Variants in MACROD2 observed in about 807,000 individuals in gnomAD.
MACROD2 encodes the protein ADP-ribose glycohydrolase MACROD2.
In MACROD2, 36 loss-of-function variants were observed where a neutral mutation model predicts 70.4. The observed-to-expected ratio is 0.51, with a 90% CI of 0.39 to 0.68. The LOEUF (loss-of-function observed/expected upper bound fraction) is 0.68. Among genes scored for constraint, MACROD2 ranks in the 30% least tolerant of loss-of-function variants. The pLI, the probability that MACROD2 is intolerant of heterozygous loss-of-function variation, is 0.00. For missense variants in MACROD2, 496 were observed against 538.4 expected (o/e 0.92, Z 0.78); for synonymous variants, 172 against 178.8 (o/e 0.96, Z 0.30).
At chr20:15,800,547 C>A (rs944416518) in intron 8 of MACROD2, among the ~76,000 whole-genome samples, 6 of 152,136 alleles carry the variant, frequency 3.9e-5, no homozygotes, top group Non-Finnish European at 8.8e-5. Context: ...TGTCCTTTCC[C>A]CAATGTATGT....
At chr20:15,651,761 C>A (rs911268571) in intron 8 of MACROD2, among the ~76,000 whole-genome samples, 6 of 152,138 alleles carry the variant, frequency 3.9e-5, no homozygotes, top group African/African-American at 1.4e-4. Context: ...CCCCATGTGG[C>A]CCATGCTCCA....
Position 15,085,858 on chromosome 20 carries a change from AACACAC to A in MACROD2, c.419-144072_419-144067del, listed in dbSNP as rs5840651. Among the ~76,000 whole-genome samples the A allele has an allele frequency of 2.1e-3, 283 of 135,850 alleles. 3 individuals are homozygous for A. The Middle Eastern group carries it at 0.026, about 12-fold the overall frequency. 89.1% of individuals were successfully genotyped at this position (135,850 alleles called of 152,430 possible). ...GACCTTGCAGAATTTAAAGATGAAT[AACACAC>A]ACACACACAACACACACACACACAC... On this transcript the variant is annotated intron_variant, in intron 5 of 17. Transcript: ENST00000684519.
intron 3 of MACROD2, chr20:14,327,062 C>T: frequency 6.2e-7 from 1 of 1,613,708 alleles, no homozygotes; most frequent in South Asian, 1.1e-5. Context: ...TCTCGGAATG[C>T]TCCCTCTTCT....
chr20:15,729,831 CTTTTT>C (rs61542762), intron 8 of MACROD2, among the ~76,000 whole-genome samples: 1 of 64,772 alleles, frequency 1.5e-5, no homozygotes, highest in South Asian at 6.4e-4. Context: ...TTGGGTCATG[CTTTTT>C]TTTTTTTTTT....
At chr20:14,265,121 C>T (rs912987671) in intron 3 of MACROD2, among the ~76,000 whole-genome samples, 6 of 152,196 alleles carry the variant, frequency 3.9e-5, no homozygotes, top group Admixed American at 1.3e-4. Flanking sequence ...GTTCTTGTCT[C>T]TTCATTCCAG....
At chr20:15,305,123 A>T (rs2077684762) in intron 6 of MACROD2, among the ~76,000 whole-genome samples, 1 of 151,972 alleles carries the variant, frequency 6.6e-6, no homozygotes, top group East Asian at 1.9e-4. Flanking sequence ...CACAGCACTA[A>T]CTCCATGTGT....
intron 5 of MACROD2, among the ~76,000 whole-genome samples, chr20:15,094,549 C>T (rs187780794): frequency 2.0e-5 from 3 of 152,094 alleles, no homozygotes; most frequent in Admixed American, 2.0e-4. Context: ...CTCTTGTATA[C>T]TTAAAATAAA....
intron 3 of MACROD2, chr20:14,325,492 T>A (rs1315918427): frequency 6.6e-7 from 1 of 1,508,658 alleles, no homozygotes; most frequent in Non-Finnish European, 8.9e-7. Context: ...AGAACAGGGT[T>A]CCTACCATCA....
chr20:15,307,729 C>T (rs2077711567), intron 6 of MACROD2, among the ~76,000 whole-genome samples: 1 of 151,984 alleles, frequency 6.6e-6, no homozygotes, highest in Non-Finnish European at 1.5e-5. Flanking sequence ...TACTAATGTC[C>T]TTTAAAATAA....
intron 3 of MACROD2, among the ~76,000 whole-genome samples, chr20:14,403,333 C>A (rs1015546689): frequency 2.0e-5 from 3 of 152,042 alleles, no homozygotes; most frequent in African/African-American, 7.2e-5. Context: ...TTTGACATTA[C>A]CTTAATGTCT....
At chr20:15,270,820 A>G (rs920861250) in intron 6 of MACROD2, among the ~76,000 whole-genome samples, 5 of 152,072 alleles carry the variant, frequency 3.3e-5, no homozygotes, top group Non-Finnish European at 4.4e-5. Context: ...CCTGATATGG[A>G]AAACTCCTTT....
intron 8 of MACROD2, among the ~76,000 whole-genome samples, chr20:15,560,170 G>A (rs867253377): frequency 7.9e-5 from 12 of 152,212 alleles, no homozygotes; most frequent in East Asian, 5.8e-4. Context: ...GCCTATTTGT[G>A]GCTGGCTAAA....
At chr20:15,301,387 C>G (rs1259163021) in intron 6 of MACROD2, among the ~76,000 whole-genome samples, 1 of 152,162 alleles carries the variant, frequency 6.6e-6, no homozygotes, top group Non-Finnish European at 1.5e-5. Flanking sequence ...TTCAGAGAAT[C>G]AGAGAAAGCA....
At chr20:14,702,678 C>T (rs11698243) in intron 5 of MACROD2, among the ~76,000 whole-genome samples, 46,416 of 67,278 alleles carry the variant, frequency 0.69, 14,712 homozygotes, top group African/African-American at 0.72. Flanking sequence ...TATATATACA[C>T]ATATATGTGT....
intron 3 of MACROD2, among the ~76,000 whole-genome samples, chr20:14,424,023 G>A (rs1434421043): frequency 1.3e-5 from 2 of 151,708 alleles, no homozygotes; most frequent in Non-Finnish European, 2.9e-5. Flanking sequence ...CAGCCTCCCA[G>A]ACTGCTGGGA....
Position 15,580,845 on chromosome 20 carries a change from G to A in MACROD2, c.645+80998G>A, listed in dbSNP as rs183509752. On this transcript the variant is annotated intron_variant, in intron 8 of 17. Coordinates refer to ENST00000684519, the MANE Select transcript of MACROD2 (RefSeq NM_001351661.2). ...GAATTTTAGATGATTTGGGGGATTA[G>A]TAAATGATTTTTAGGGGAATTCAGT... Among the ~76,000 whole-genome samples the A allele has an allele frequency of 1.4e-3, 214 of 152,266 alleles. 1 individual carries two copies. Among genetic ancestry groups the A allele is most frequent in the Non-Finnish European group, 2.3e-3 (157 of 68,014 alleles).
At chr20:15,478,539 C>T (rs1022221485) in intron 7 of MACROD2, among the ~76,000 whole-genome samples, 4 of 104,594 alleles carry the variant, frequency 3.8e-5, no homozygotes, top group African/African-American at 1.6e-4. Flanking sequence ...GCGTGCATGA[C>T]TGTGTGTGTG....
At chr20:16,003,041 G>A (rs1267016435) in intron 15 of MACROD2, among the ~76,000 whole-genome samples, 7 of 151,146 alleles carry the variant, frequency 4.6e-5, no homozygotes, top group African/African-American at 1.5e-4. Context: ...GCTCGGGGCT[G>A]GGGCACAAAC....
chr20:15,686,435 G>A (rs2050225679), intron 8 of MACROD2, among the ~76,000 whole-genome samples: 1 of 151,872 alleles, frequency 6.6e-6, no homozygotes, highest in African/African-American at 2.4e-5. Flanking sequence ...TGCCATTATT[G>A]CAAAAAGTTC....
Sources: gnomAD v4.1 joint callset for allele counts (sites outside exome capture counted in the v4.1 genomes callset) on GRCh38, gnomAD v4.1.1 for gene constraint, MANE v1.5 for transcripts, NCBI Gene and HGNC (gene_info 2026-07-23, HGNC 2026-07-21) for gene names.